The following LGR6 variants were observed in gnomAD, a reference collection of about 807,000 sequenced individuals.
LGR6 encodes the protein leucine-rich repeat-containing G protein-coupled receptor 6.
In LGR6, 45 loss-of-function variants were observed where a neutral mutation model predicts 69.4. The ratio of observed to expected loss-of-function variants is 0.65; its 90% CI spans 0.51 to 0.83. LGR6 has a LOEUF of 0.83. Among genes scored for constraint, LGR6 ranks in the 40% least tolerant of loss-of-function variants. The pLI is 0.00. For synonymous variants in LGR6, 538 were observed against 555.0 expected (o/e 0.97, Z 0.43); for missense variants, 1,108 against 1,246.7 (o/e 0.89, Z 1.68).
chr1:202,199,622 C>T (rs1187652566), intron 1 of LGR6, among the ~76,000 whole-genome samples: 1 of 147,910 alleles, frequency 6.8e-6, no homozygotes, highest in African/African-American at 2.5e-5. Context: ...CCCTGATGGC[C>T]CCACATGCGC....
chr1:202,265,924 T>C (rs976599089), intron 4 of LGR6, among the ~76,000 whole-genome samples: 5 of 152,158 alleles, frequency 3.3e-5, no homozygotes, highest in Admixed American at 1.3e-4. Flanking sequence ...GGCACTTGGG[T>C]AAAGTTGTTC....
intron 7 of LGR6, among the ~76,000 whole-genome samples, chr1:202,298,380 G>A (rs1667314273): frequency 1.3e-5 from 2 of 152,144 alleles, no homozygotes. Context: ...AGCTGGCAGA[G>A]GGATGAGCAC....
chr1:202,250,995 C>A (rs1407177446), intron 4 of LGR6, among the ~76,000 whole-genome samples: 2 of 152,122 alleles, frequency 1.3e-5, no homozygotes, highest in Non-Finnish European at 2.9e-5. Context: ...AAGGATGGAC[C>A]TGGGGGAGAA....
chr1:202,255,760 C>T (rs759041699), intron 4 of LGR6, among the ~76,000 whole-genome samples: 1 of 152,174 alleles, frequency 6.6e-6, no homozygotes, highest in Non-Finnish European at 1.5e-5. Context: ...CTCTTACAAA[C>T]ACACATGCTT....
intron 6 of LGR6, among the ~76,000 whole-genome samples, chr1:202,282,631 G>A (rs1454518665): frequency 6.6e-6 from 1 of 152,210 alleles, no homozygotes; most frequent in Non-Finnish European, 1.5e-5. Context: ...ACCCTGGAGT[G>A]TGGGCGCTGT....
chr1:202,309,247 G>T, intron 15 of LGR6, 71 bp downstream of exon 15: 2 of 1,575,722 alleles, frequency 1.3e-6, no homozygotes, highest in Non-Finnish European at 1.7e-6. Flanking sequence ...GAGAAAGCCA[G>T]ATGGCCCCAC....
chr1:202,239,098 C>G (rs144288025), intron 4 of LGR6, among the ~76,000 whole-genome samples: 431 of 152,252 alleles, frequency 2.8e-3, no homozygotes, highest in African/African-American at 9.8e-3. Flanking sequence ...CCCGGATGGC[C>G]TCTTTCTCCA....
intron 3 of LGR6, among the ~76,000 whole-genome samples, chr1:202,228,693 AG>A (rs1360021540): frequency 1.3e-5 from 2 of 152,128 alleles, no homozygotes; most frequent in Non-Finnish European, 2.9e-5. Flanking sequence ...GTCCTCCCAA[AG>A]CCTCCTCATA....
chr1:202,201,834 G>C (rs2993429), intron 1 of LGR6, among the ~76,000 whole-genome samples: 81,143 of 152,042 alleles, frequency 0.53, 23,428 homozygotes, highest in South Asian at 0.86. Flanking sequence ...ACAGAAATTG[G>C]GGACTCTGGG....
chr1:202,319,158 G>T lies in LGR6; in HGVS notation c.2855G>T (p.Gly952Val), dbSNP rs561224262. Residue 952 changes from glycine (G) to valine (V), a missense_variant, in exon 18 of 18, where the codon GGG (glycine) becomes GTG (valine). Gly to Val is a moderately radical substitution (Grantham distance 109). Coordinates refer to ENST00000367278, the MANE Select transcript of LGR6 (RefSeq NM_001017403.2). ...ACGCCAGCAGGTGGAGGCTTGTCAG[G>T]GGGTGGCGGCTTTCAGCCCTCTGGC... ...GSTPAGGGLSGGGGFQPSGLA... is the reference protein window; with the variant it reads ...GSTPAGGGLSVGGGFQPSGLA... The T allele has an allele frequency of 6.2e-7, 1 of 1,613,298 alleles. No homozygotes were observed. The highest frequency in any genetic ancestry group is 8.5e-7 in the Non-Finnish European group (1 of 1,179,658).
At position 202,194,184 on chromosome 1, in the gene LGR6, C is replaced by A; in HGVS notation, c.195C>A (p.Asp65Glu). ...LGLSAVPGDL[D>E]PLTAYLDLSM... ...TGTCCGCCGTTCCGGGGGACCTGGA[C>A]CCCCTGACGGCTTACCTGTGAGTAC... The change falls in exon 1 of 18, where the codon GAC (aspartate) becomes GAA (glutamate). Residue 65 changes from aspartate to glutamate, a missense_variant. Physicochemically the swap from Asp to Glu is conservative, Grantham distance 45. Transcript: ENST00000367278. The A allele has an allele frequency of 1.3e-6, 2 of 1,560,226 alleles. No homozygotes were observed. The highest frequency in any genetic ancestry group is 1.2e-5 in the South Asian group (1 of 86,162).
chr1:202,318,404 G>A lies in LGR6; in HGVS notation c.2101G>A (p.Ala701Thr), dbSNP rs370069508. The A allele has an allele frequency of 1.0e-5, 16 of 1,605,226 alleles. No homozygotes were observed. Among genetic ancestry groups the A allele is most frequent in the African/African-American group, 2.7e-5 (2 of 74,880 alleles). ...LGCLALAGLA[A>T]ALPLASVGEY... ...CTGCCTGGCACTGGCAGGGCTGGCC[G>A]CCGCGCTGCCCCTGGCCTCAGTGGG... Residue 701 changes from alanine (A) to threonine (T), a missense_variant, in exon 18 of 18, where the codon GCC (alanine) becomes ACC (threonine). Ala to Thr is a moderately conservative substitution (Grantham distance 58). Transcript: ENST00000367278.
intron 1 of LGR6, among the ~76,000 whole-genome samples, chr1:202,224,053 G>T (rs1660340410): frequency 6.6e-6 from 1 of 151,882 alleles, no homozygotes; most frequent in South Asian, 2.1e-4. Context: ...GTCAACTAGG[G>T]GCCCAGAGGT....
Position 202,235,910 on chromosome 1 carries a change from C to T in LGR6, c.357-12C>T, listed in dbSNP as rs760692276. 5.0e-6 allele frequency: 8 copies of T among 1,613,678 alleles called. No individual in the cohort carries two copies. The highest frequency in any genetic ancestry group is 3.3e-5 in the South Asian group (3 of 91,078). On this transcript the variant is annotated splice_polypyrimidine_tract_variant and intron_variant, in intron 3 of 17. Coordinates refer to ENST00000367278, the MANE Select transcript of LGR6 (RefSeq NM_001017403.2). Reference sequence around the variant, plus strand: ...CATGTGCGTCCTTAAAGCCCTTTCTCTTCTCCCGTAGGATGCTGCAGAACA... The same window carrying T: ...CATGTGCGTCCTTAAAGCCCTTTCTTTTCTCCCGTAGGATGCTGCAGAACA...
chr1:202,295,914 T>TGTGTGA (rs1491307649), intron 6 of LGR6, among the ~76,000 whole-genome samples: 7 of 137,204 alleles, frequency 5.1e-5, no homozygotes, highest in Admixed American at 1.5e-4. Context: ...TGTGTGTGTG[T>TGTGTGA]GACAATTATC....
chr1:202,287,954 A>G (rs1038711592), intron 6 of LGR6, among the ~76,000 whole-genome samples: 2 of 152,018 alleles, frequency 1.3e-5, no homozygotes, highest in African/African-American at 4.8e-5. Context: ...AAATCAGGTC[A>G]TGTTACTTTT....
At chr1:202,314,928 G>A in intron 17 of LGR6, 46 bp downstream of exon 17, 1 of 1,410,182 alleles carries the variant, frequency 7.1e-7, no homozygotes, top group Non-Finnish European at 1.0e-6. Flanking sequence ...ATGGAGAAAG[G>A]GCACCCAACC....
Position 202,194,011 on chromosome 1 carries a change from C to T in LGR6, c.22C>T (p.Arg8Trp), listed in dbSNP as rs2147879984. 7.2e-7 allele frequency: 1 copy of T among 1,382,440 alleles called. No homozygotes were observed. Among genetic ancestry groups the T allele is most frequent in the Non-Finnish European group, 9.3e-7 (1 of 1,071,188 alleles). The allele number at this position is 1,382,440 out of a possible 1,614,324, so 85.6% of individuals were successfully genotyped here. The change falls in exon 1 of 18, where the codon CGG becomes TGG. Residue 8 changes from arginine to tryptophan, a missense_variant. Arg to Trp is a moderately radical substitution (Grantham distance 101, BLOSUM62 -3). Transcript: ENST00000367278. MPSPPGL[R>W]ALWLCAALCA... is the part of the protein sequence containing the mutation. ...CGAGATGCCCAGCCCGCCGGGGCTC[C>T]GGGCGCTATGGCTTTGCGCCGCGCT...
At chr1:202,211,470 T>C (rs1659460790) in intron 1 of LGR6, among the ~76,000 whole-genome samples, 1 of 152,144 alleles carries the variant, frequency 6.6e-6, no homozygotes, top group Non-Finnish European at 1.5e-5. Flanking sequence ...CAAGCAATTC[T>C]CCTGACTCAG....
Sources: gnomAD v4.1 joint callset for allele counts (sites outside exome capture counted in the v4.1 genomes callset) on GRCh38, gnomAD v4.1.1 for gene constraint, MANE v1.5 for transcripts, NCBI Gene and HGNC (gene_info 2026-07-23, HGNC 2026-07-21) for gene names.